KLF12: variants seen among roughly 807,000 people sequenced by gnomAD.
The protein encoded by KLF12 is KLF transcription factor 12.
In KLF12, 9 loss-of-function variants were observed where a neutral mutation model predicts 37.8. That is an observed-to-expected ratio of 0.24 (90% confidence interval 0.14 to 0.42). KLF12 has a LOEUF of 0.42. Among genes scored for constraint, KLF12 ranks in the 10% least tolerant of loss-of-function variants. KLF12 has a pLI of 1.00. For synonymous variants in KLF12, 208 were observed against 202.1 expected (o/e 1.03, Z -0.25); for missense variants, 411 against 516.0 (o/e 0.80, Z 1.97).
chr13:74,245,971 A>T, the KLF12 span, among the ~76,000 whole-genome samples: 1 of 152,232 alleles, frequency 6.6e-6, no homozygotes, highest in East Asian at 1.9e-4. Flanking sequence ...AGACACTAGT[A>T]GAAGGGTTAT....
intron 1 of KLF12, among the ~76,000 whole-genome samples, chr13:74,020,523 T>C (rs1255113170): frequency 6.6e-6 from 1 of 152,110 alleles, no homozygotes; most frequent in East Asian, 1.9e-4. Flanking sequence ...CCAAGACACA[T>C]GTTTTCTGAG....
At chr13:74,070,819 T>C (rs1005175143) in intron 1 of KLF12, among the ~76,000 whole-genome samples, 2 of 152,136 alleles carry the variant, frequency 1.3e-5, no homozygotes, top group Non-Finnish European at 2.9e-5. Flanking sequence ...GTCTGTAACA[T>C]TTCCCTTATA....
At position 73,953,970 on chromosome 13, in the gene KLF12, C is replaced by CTT. The variant is rs67945624; in HGVS notation, c.34-9902_34-9901dup. Among the ~76,000 whole-genome samples the CTT allele has an allele frequency of 1.8e-3, 158 of 88,528 alleles. 6 individuals are homozygous for CTT. The highest frequency in any genetic ancestry group is 6.4e-3 in the African/African-American group (144 of 22,668). 58.1% of individuals were successfully genotyped at this position (88,528 alleles called of 152,430 possible). On this transcript the variant is annotated intron_variant, in intron 2 of 7. Transcript: ENST00000377669. ...AGTAATTAGGTTTTGTTTTTTCTTTCTTTTTTTTTTTTTTTTTTTTTTTTT... is the reference window on the plus strand; with the variant it reads ...AGTAATTAGGTTTTGTTTTTTCTTTCTTTTTTTTTTTTTTTTTTTTTTTTTTT...
chr13:73,702,695 C>T (rs1223636526), intron 7 of KLF12, among the ~76,000 whole-genome samples: 1 of 152,168 alleles, frequency 6.6e-6, no homozygotes, highest in Admixed American at 6.5e-5. Flanking sequence ...GCCCCAGACA[C>T]TGACAAATGA....
At chr13:73,796,524 T>TGTGTGTGC (rs1881980093) in intron 5 of KLF12, among the ~76,000 whole-genome samples, 1 of 148,428 alleles carries the variant, frequency 6.7e-6, no homozygotes, top group Admixed American at 6.6e-5. Flanking sequence ...TGTGTGTGTG[T>TGTGTGTGC]GTGTGTGTGT....
chr13:73,931,651 T>C (rs1281125897), intron 3 of KLF12, among the ~76,000 whole-genome samples: 1 of 152,208 alleles, frequency 6.6e-6, no homozygotes, highest in Non-Finnish European at 1.5e-5. Context: ...AATGTTATTT[T>C]GCAAAATTGC....
chr13:74,046,225 C>T (rs1893539445), intron 1 of KLF12, among the ~76,000 whole-genome samples: 1 of 152,092 alleles, frequency 6.6e-6, no homozygotes, highest in South Asian at 2.1e-4. Flanking sequence ...TACCAACCTA[C>T]GATATTAGCA....
At chr13:73,761,012 C>A (rs1474700264) in intron 6 of KLF12, among the ~76,000 whole-genome samples, 1 of 152,090 alleles carries the variant, frequency 6.6e-6, no homozygotes, top group Non-Finnish European at 1.5e-5. Context: ...ACAGACACAC[C>A]AAAATGTAGC....
rs192464969 is a variant in KLF12 at position 73,794,928 on chromosome 13, T to C, written c.806+18224A>G. Reference sequence around the variant, plus strand: ...TCTGTGCTCTGCACCACATGGGATATCTGACCCTAGTCTTAAAATGAAACA... The same window carrying C: ...TCTGTGCTCTGCACCACATGGGATACCTGACCCTAGTCTTAAAATGAAACA... On this transcript the variant is annotated intron_variant, in intron 5 of 7. Transcript: ENST00000377669. Among the ~76,000 whole-genome samples, 497 of 152,336 alleles carry C rather than the reference T, an allele frequency of 3.3e-3. 1 individual carries two copies. The highest frequency in any genetic ancestry group is 5.9e-3 in the Non-Finnish European group (398 of 68,016).
intron 4 of KLF12, among the ~76,000 whole-genome samples, chr13:73,820,637 T>C (rs1012709148): frequency 7.9e-5 from 12 of 152,246 alleles, no homozygotes; most frequent in African/African-American, 2.9e-4. Context: ...CAATCAGTTA[T>C]GTAAATCTTG....
At chr13:74,292,618 A>G in the KLF12 span, among the ~76,000 whole-genome samples, 130,664 of 152,040 alleles carry the variant, frequency 0.86, 56,860 homozygotes, top group Non-Finnish European at 0.93. Context: ...TAAGCCTAGT[A>G]TGTTTTGGCT....
intron 3 of KLF12, among the ~76,000 whole-genome samples, chr13:73,893,173 T>C (rs527261087): frequency 2.6e-5 from 4 of 152,204 alleles, no homozygotes; most frequent in East Asian, 3.9e-4. Context: ...CAATTAGCAC[T>C]GGGTCAGAGA....
At chr13:74,179,820 T>C in the KLF12 span, among the ~76,000 whole-genome samples, 6 of 152,178 alleles carry the variant, frequency 3.9e-5, no homozygotes, top group African/African-American at 9.7e-5. Context: ...AGAAAGGAGA[T>C]TGCAGATGTA....
the KLF12 span, among the ~76,000 whole-genome samples, chr13:74,142,728 A>T: frequency 6.6e-6 from 1 of 152,206 alleles, no homozygotes; most frequent in East Asian, 1.9e-4. Flanking sequence ...ACCTGTAAAT[A>T]TAGTTGCCTA....
chr13:74,069,649 T>C (rs1874111512), intron 1 of KLF12, among the ~76,000 whole-genome samples: 1 of 152,184 alleles, frequency 6.6e-6, no homozygotes, highest in African/African-American at 2.4e-5. Flanking sequence ...TATTTTAGCA[T>C]AGTATCTTTT....
chr13:73,753,067 A>T (rs9543446), intron 6 of KLF12, among the ~76,000 whole-genome samples: 73,166 of 151,368 alleles, frequency 0.48, 19,770 homozygotes, highest in East Asian at 0.78. Flanking sequence ...CCACACTCTT[A>T]CAGCCCTTTC....
chr13:74,165,506 C>T, the KLF12 span, among the ~76,000 whole-genome samples: 1 of 151,890 alleles, frequency 6.6e-6, no homozygotes, highest in Admixed American at 6.6e-5. Context: ...ACCGTGTTGG[C>T]CAGGCTGGTC....
At chr13:73,809,489 T>C (rs1882817036) in intron 5 of KLF12, among the ~76,000 whole-genome samples, 1 of 92,758 alleles carries the variant, frequency 1.1e-5, no homozygotes. Flanking sequence ...AAAGTTAACT[T>C]TGACTAAACC....
chr13:73,700,798 T>C (rs1187242104), intron 7 of KLF12, among the ~76,000 whole-genome samples: 1 of 152,150 alleles, frequency 6.6e-6, no homozygotes, highest in African/African-American at 2.4e-5. Flanking sequence ...AGTGAAATTT[T>C]AGAAATGGAT....
Sources: gnomAD v4.1 joint callset for allele counts (sites outside exome capture counted in the v4.1 genomes callset) on GRCh38, gnomAD v4.1.1 for gene constraint, MANE v1.5 for transcripts, NCBI Gene and HGNC (gene_info 2026-07-23, HGNC 2026-07-21) for gene names.